Variants in NRCAM observed in about 807,000 individuals in gnomAD.
NRCAM encodes the protein neuronal cell adhesion molecule, also known as NgCAM-related cell adhesion molecule.
In NRCAM, 83 loss-of-function variants were observed where a neutral mutation model predicts 156.5. The ratio of observed to expected loss-of-function variants is 0.53; its 90% CI spans 0.44 to 0.64. The LOEUF (loss-of-function observed/expected upper bound fraction) is 0.64, where lower values mean the gene tolerates loss of function less well. NRCAM is among the 30% of genes least tolerant of loss of function. The probability of loss-of-function intolerance (pLI) is 0.00; values close to 1 mark genes in which losing one functional copy is unlikely to be tolerated. For synonymous variants in NRCAM, 538 were observed against 563.9 expected, an observed-to-expected ratio of 0.95 and a Z score of 0.65; for missense variants, 1,417 against 1,597.3, an observed-to-expected ratio of 0.89 and a Z score of 1.92.
At chr7:108,400,107 C>T (rs112913525) in intron 1 of NRCAM, among the ~76,000 whole-genome samples, 2,064 of 152,020 alleles carry the variant, frequency 0.014, 39 homozygotes, top group African/African-American at 0.045. Context: ...GCTTTGAAGG[C>T]GGTAAGAAAA....
chr7:108,381,174 G>T (rs954719114), intron 2 of NRCAM, among the ~76,000 whole-genome samples: 1 of 152,122 alleles, frequency 6.6e-6, no homozygotes, highest in African/African-American at 2.4e-5. Context: ...ATGTGTCATT[G>T]TAATGAAAAA....
chr7:108,292,531 TA>T (rs1310570503), intron 3 of NRCAM, among the ~76,000 whole-genome samples: 1 of 152,146 alleles, frequency 6.6e-6, no homozygotes, highest in South Asian at 2.1e-4. Context: ...CAGAGTTAAG[TA>T]AAAAATCATC....
At chr7:108,296,773 C>T (rs530004654) in intron 3 of NRCAM, among the ~76,000 whole-genome samples, 54 of 152,260 alleles carry the variant, frequency 3.5e-4, no homozygotes, top group Non-Finnish European at 6.0e-4. Flanking sequence ...TTCATATGAT[C>T]TCTTGTGCTT....
At chr7:108,440,101 T>A (rs952427444) in intron 1 of NRCAM, among the ~76,000 whole-genome samples, 1 of 152,134 alleles carries the variant, frequency 6.6e-6, no homozygotes, top group Non-Finnish European at 1.5e-5. Flanking sequence ...TAGTCTCAAA[T>A]TGGAAACAGT....
intron 3 of NRCAM, among the ~76,000 whole-genome samples, chr7:108,284,947 T>C (rs959296524): frequency 1.3e-5 from 2 of 152,160 alleles, no homozygotes; most frequent in African/African-American, 4.8e-5. Flanking sequence ...GAGTTGTGGG[T>C]AGAAGGGCTC....
rs150699340 is a variant in NRCAM, at chr7:108,177,197, A to T, written c.2975-591T>A. ...AAACTAGCTTGTATTTTTTGATAAC[A>T]GTTAAGTTAAACACCACATGTTCTC... On this transcript the variant is annotated intron_variant, in intron 26 of 32. Coordinates refer to ENST00000379028, the MANE Select transcript of NRCAM (RefSeq NM_001037132.4). Among the ~76,000 whole-genome samples, 154 of 152,338 alleles carry T rather than the reference A, an allele frequency of 1.0e-3. 1 individual carries two copies. The highest frequency in any genetic ancestry group is 3.5e-3 in the African/African-American group (144 of 41,578).
rs950540029 is a variant in NRCAM, at chr7:108,416,974, T to C, written c.-331-17381A>G. On this transcript the variant is annotated intron_variant, in intron 1 of 32. Transcript: ENST00000379028. ...AATTAACGGACATTACAAACACATA[T>C]TCTCCAGAGAGATTCCTAGTTTGGG... 3.9e-5 allele frequency among the ~76,000 whole-genome samples: 6 copies of C among 152,216 alleles called. No homozygotes were observed. The East Asian group carries it at 5.8e-4, about 15-fold the overall frequency.
intron 8 of NRCAM, among the ~76,000 whole-genome samples, chr7:108,228,113 G>A (rs577643224): frequency 1.3e-5 from 2 of 152,178 alleles, no homozygotes; most frequent in East Asian, 1.9e-4. Flanking sequence ...CCTGAGGTGA[G>A]GAGTTCAAGA....
chr7:108,319,572 T>A (rs188739814), intron 2 of NRCAM, among the ~76,000 whole-genome samples: 5 of 152,346 alleles, frequency 3.3e-5, no homozygotes, highest in African/African-American at 1.2e-4. Flanking sequence ...AGAAGATAGA[T>A]ATTGAACAAA....
At chr7:108,299,070 C>T (rs1374745915) in intron 3 of NRCAM, among the ~76,000 whole-genome samples, 3 of 88,840 alleles carry the variant, frequency 3.4e-5, no homozygotes, top group Admixed American at 1.5e-4. Context: ...CACACTACTG[C>T]ACTCCAGCCT....
In NRCAM at chr7:108,184,584, T is replaced by C; in HGVS notation, c.2066A>G (p.His689Arg). The C allele has an allele frequency of 6.2e-7, 1 of 1,613,554 alleles. No homozygotes were observed. The highest frequency in any genetic ancestry group is 8.5e-7 in the Non-Finnish European group (1 of 1,180,006). ...KFIIEYEDAMHKPGLWHHQTE... is the reference protein window; with the variant it reads ...KFIIEYEDAMRKPGLWHHQTE... The stretch of plus-strand genomic sequence containing the variant: ...TTGGTGGTGCCACAGCCCTGGCTTG[T>C]GCATTGCATCTTCATATTCGATGAT... Residue 689 changes from histidine (H) to arginine (R), a missense_variant, in exon 21 of 33, where the codon CAC becomes CGC. Transcript: ENST00000379028.
At chr7:108,349,478 C>T (rs898718825) in intron 2 of NRCAM, among the ~76,000 whole-genome samples, 3 of 151,966 alleles carry the variant, frequency 2.0e-5, no homozygotes, top group Non-Finnish European at 4.4e-5. Context: ...CTGTGTTAGC[C>T]AGGAAGGTCT....
chr7:108,168,882 C>T (rs926841110), intron 28 of NRCAM, among the ~76,000 whole-genome samples: 2 of 152,138 alleles, frequency 1.3e-5, no homozygotes, highest in African/African-American at 2.4e-5. Context: ...ACAGAGAATG[C>T]CCCTTTGAAC....
In NRCAM at chr7:108,184,548, G is replaced by A. The variant is rs1403015566; in HGVS notation, c.2102C>T (p.Ser701Phe). 2 of 1,614,018 alleles carry A rather than the reference G, an allele frequency of 1.2e-6. No homozygotes were observed. Among genetic ancestry groups the A allele is most frequent in the South Asian group, 1.1e-5 (1 of 91,082 alleles). The change falls in exon 21 of 33, where the codon TCT becomes TTT. Residue 701 changes from serine to phenylalanine, a missense_variant. Physicochemically the swap from Ser to Phe is radical, Grantham distance 155. This residue lies in a region of NRCAM where 1,238 missense variants were observed against 1,336.4 expected (regional missense o/e 0.93). Transcript: ENST00000379028. The stretch of plus-strand genomic sequence containing the variant: ...CAGCTGGGCTGTGGTCTGTGTTCCA[G>A]AAACTTCAGTTTGGTGGTGCCACAG... ...PGLWHHQTEVSGTQTTAQLKL... is the reference protein window; with the variant it reads ...PGLWHHQTEVFGTQTTAQLKL...
chr7:108,357,657 T>C (rs2099515114), intron 2 of NRCAM, among the ~76,000 whole-genome samples: 1 of 152,162 alleles, frequency 6.6e-6, no homozygotes, highest in South Asian at 2.1e-4. Flanking sequence ...TTAATGAATG[T>C]AAACTCTTCT....
intron 3 of NRCAM, among the ~76,000 whole-genome samples, chr7:108,268,637 G>GGGGGGGGA (rs2097209664): frequency 2.1e-5 from 1 of 48,590 alleles, no homozygotes; most frequent in Non-Finnish European, 4.0e-5. Flanking sequence ...GGGGGGGGTT[G>GGGGGGGGA]GGGGGGGCGG....
At chr7:108,260,340 G>A (rs918121131) in intron 3 of NRCAM, among the ~76,000 whole-genome samples, 20 of 152,150 alleles carry the variant, frequency 1.3e-4, no homozygotes, top group African/African-American at 4.6e-4. Flanking sequence ...CTGGCCCACA[G>A]TAAACACCTA....
intron 2 of NRCAM, among the ~76,000 whole-genome samples, chr7:108,387,969 T>C (rs906229415): frequency 7.2e-5 from 11 of 152,218 alleles, no homozygotes; most frequent in African/African-American, 1.4e-4. Flanking sequence ...TGATGGACAT[T>C]TGAGTTGGTT....
chr7:108,298,150 C>T (rs990276693), intron 3 of NRCAM, among the ~76,000 whole-genome samples: 2 of 152,108 alleles, frequency 1.3e-5, no homozygotes, highest in Non-Finnish European at 2.9e-5. Flanking sequence ...TAAATAAAAT[C>T]CACGTTGCAA....
Sources: allele counts gnomAD v4.1 joint callset (sites outside exome capture counted in the v4.1 genomes callset), GRCh38; gene constraint gnomAD v4.1.1; regional missense constraint gnomAD v4.1.1; transcripts MANE v1.5; gene names NCBI Gene and HGNC (gene_info 2026-07-23, HGNC 2026-07-21).